MCF2L: variants seen among roughly 807,000 people sequenced by gnomAD.
The protein encoded by MCF2L is guanine nucleotide exchange factor DBS.
A neutral mutation model predicts 153.4 loss-of-function variants in MCF2L; 97 were observed. That is an observed-to-expected ratio of 0.63 (90% CI 0.54 to 0.75). The LOEUF (loss-of-function observed/expected upper bound fraction) is 0.75, where lower values mean the gene tolerates loss of function less well. Ranked by LOEUF, MCF2L falls within the 30% of genes least tolerant of loss-of-function variation. MCF2L has a pLI of 0.00. For synonymous variants in MCF2L, 659 were observed against 632.2 expected (o/e 1.04, Z -0.64); for missense variants, 1,347 against 1,495.2 (o/e 0.90, Z 1.64).
chr13:112,896,927 T>G (rs965330523), intron 1 of MCF2L, among the ~76,000 whole-genome samples: 2 of 152,192 alleles, frequency 1.3e-5, no homozygotes, highest in African/African-American at 2.4e-5. Context: ...ACTTGAGTCA[T>G]CAGTGGATTC....
In MCF2L at chr13:113,031,865, GCCACACAC is replaced by G. The variant is rs1404472566; in HGVS notation, c.278+7108_278+7115del. Reference sequence around the variant, plus strand: ...CACGCACCTACACAGGCTTGCACATGCCACACACACACACACACACACACAGATGCACG... The same window carrying G: ...CACGCACCTACACAGGCTTGCACATGACACACACACACACACAGATGCACG... On this transcript the variant is annotated intron_variant, in intron 3 of 29. Transcript: ENST00000535094. The surrounding 1 kb of genome is among the most constrained non-coding windows in gnomAD (Gnocchi z 5.5). 2.7e-5 allele frequency among the ~76,000 whole-genome samples: 2 copies of G among 75,416 alleles called. No homozygotes were observed. The highest frequency in any genetic ancestry group is 5.6e-5 in the Non-Finnish European group (2 of 35,800). The allele number at this position is 75,416 out of a possible 152,430, so 49.5% of individuals were successfully genotyped here.
chr13:113,025,111 T>C (rs1284153608), intron 3 of MCF2L, among the ~76,000 whole-genome samples: 2 of 72,514 alleles, frequency 2.8e-5, no homozygotes, highest in African/African-American at 1.1e-4. Flanking sequence ...TCCCTGCAAC[T>C]ATGGGATGAG....
intron 4 of MCF2L, 34 bp from the exon 5 acceptor site, chr13:113,060,559 G>A (rs907512686): frequency 6.2e-6 from 10 of 1,607,618 alleles, no homozygotes; most frequent in Middle Eastern, 1.7e-4. Flanking sequence ...TGCAGAGCAC[G>A]CTGCAGGCCC....
In MCF2L at chr13:113,045,175, G is replaced by C; in HGVS notation, c.279-96G>C. ...ATTGCAGAAATGGCATCATGAATAT[G>C]GGGGATCGCTCTCCCAAGAGGTTTT... On this transcript the variant is annotated intron_variant, in intron 3 of 29. Coordinates refer to ENST00000535094, the MANE Select transcript of MCF2L (RefSeq NM_001112732.3). This position sits in a 1 kb window ranked among gnomAD's most constrained non-coding sequence, Gnocchi z 4.2. 1.8e-6 allele frequency: 2 copies of C among 1,099,168 alleles called. No individual in the cohort carries two copies. The highest frequency in any genetic ancestry group is 1.2e-5 in the South Asian group (1 of 80,090). 68.1% of individuals were successfully genotyped at this position (1,099,168 alleles called of 1,614,324 possible). A position where few individuals can be genotyped will look rare whatever the true frequency, so the allele number is the denominator to read the frequency against.
At chr13:112,970,466 G>A (rs973962087) in intron 1 of MCF2L, among the ~76,000 whole-genome samples, 37 of 152,268 alleles carry the variant, frequency 2.4e-4, no homozygotes, top group African/African-American at 8.2e-4. Flanking sequence ...TATGTGGGTC[G>A]AAAGAAAACA....
intron 4 of MCF2L, among the ~76,000 whole-genome samples, chr13:113,058,107 GTGTT>G (rs1450159868): frequency 2.0e-5 from 3 of 150,926 alleles, no homozygotes; most frequent in Non-Finnish European, 3.0e-5. Context: ...TGGGCGCTGA[GTGTT>G]TGGGTGCTGA....
At chr13:113,065,153 C>A in intron 7 of MCF2L, 68 bp downstream of exon 7, 1 of 1,559,082 alleles carries the variant, frequency 6.4e-7, no homozygotes, top group Non-Finnish European at 8.7e-7. Flanking sequence ...CGCGGGGCTC[C>A]GGTCGGAAGC....
At chr13:113,004,583 G>T (rs1331249385) in intron 1 of MCF2L, among the ~76,000 whole-genome samples, 1 of 152,246 alleles carries the variant, frequency 6.6e-6, no homozygotes, top group Non-Finnish European at 1.5e-5. Context: ...ATCACCGGCT[G>T]AATTGCAGCC....
intron 9 of MCF2L, among the ~76,000 whole-genome samples, chr13:113,071,643 A>T (rs2032930288): frequency 6.6e-6 from 1 of 152,090 alleles, no homozygotes; most frequent in African/African-American, 2.4e-5. Flanking sequence ...CTTCCACTGG[A>T]TTTCTTCTCC....
intron 1 of MCF2L, among the ~76,000 whole-genome samples, chr13:112,899,817 C>T (rs953159284): frequency 4.6e-5 from 7 of 152,204 alleles, no homozygotes; most frequent in African/African-American, 1.4e-4. Flanking sequence ...ACGGGCCGCG[C>T]GTGCCATCTG....
At chr13:113,065,972 C>G (rs2032298109) in intron 7 of MCF2L, 74 bp from the exon 8 acceptor site, 1 of 1,501,830 alleles carries the variant, frequency 6.7e-7, no homozygotes, top group Non-Finnish European at 9.0e-7. Context: ...GAGCAAGGCC[C>G]CACGAGGCCT....
chr13:113,084,288 G>C (rs956112737), intron 18 of MCF2L, among the ~76,000 whole-genome samples: 4 of 82,300 alleles, frequency 4.9e-5, no homozygotes, highest in African/African-American at 1.6e-4. Context: ...AAAACGTCCT[G>C]AACCCCCAGA....
chr13:113,030,442 T>C (rs1372626237), intron 3 of MCF2L, among the ~76,000 whole-genome samples: 27 of 117,402 alleles, frequency 2.3e-4, no homozygotes, highest in East Asian at 1.4e-3. Flanking sequence ...CGGTGTGGAC[T>C]CTCAGGTGTC....
At chr13:113,065,953 C>A in intron 7 of MCF2L, 93 bp from the exon 8 acceptor site, 1 of 1,363,088 alleles carries the variant, frequency 7.3e-7, no homozygotes. Flanking sequence ...TCAGTCCCCG[C>A]CCCCTCAAGA....
rs548007305 is a variant in MCF2L at position 112,987,932 on chromosome 13, G to A, written c.79+18474G>A. Among the ~76,000 whole-genome samples, 10 of 152,382 alleles carry A rather than the reference G, an allele frequency of 6.6e-5. No homozygotes were observed. The South Asian group carries it at 1.4e-3, about 22-fold the overall frequency. On this transcript the variant is annotated intron_variant, in intron 1 of 29. Coordinates refer to ENST00000535094, the MANE Select transcript of MCF2L (RefSeq NM_001112732.3). ...CTCATCCAAGCAACACACACCCATT[G>A]TCACAGTTACTTGGAATCCTGCTCT...
intron 2 of MCF2L, among the ~76,000 whole-genome samples, chr13:112,926,492 G>A (rs912421980): frequency 4.6e-5 from 7 of 151,898 alleles, no homozygotes; most frequent in African/African-American, 1.5e-4. Context: ...AGTGCTGCAC[G>A]GCCTGGTCTA....
chr13:113,028,470 C>A lies in MCF2L; in HGVS notation c.278+3712C>A, dbSNP rs780692372. 3.0e-4 allele frequency among the ~76,000 whole-genome samples: 46 copies of A among 152,204 alleles called. No individual in the cohort carries two copies. The highest frequency in any genetic ancestry group is 5.9e-4 in the Non-Finnish European group (40 of 68,040). The stretch of plus-strand genomic sequence containing the variant: ...GGGTCCAGACTCCTGCAGGACAAGA[C>A]CCACTCAGCCACCTCTGTAGATTGC... On this transcript the variant is annotated intron_variant, in intron 3 of 29. Coordinates refer to ENST00000535094, the MANE Select transcript of MCF2L (RefSeq NM_001112732.3). The surrounding 1 kb of genome is among the most constrained non-coding windows in gnomAD (Gnocchi z 5.4).
intron 22 of MCF2L, 90 bp from the exon 23 acceptor site, chr13:113,087,617 C>A: frequency 1.6e-6 from 2 of 1,231,284 alleles, no homozygotes; most frequent in Non-Finnish European, 2.3e-6. Context: ...CAAAGTATTT[C>A]CATCATTTCG....
chr13:113,008,667 G>GGAC (rs1489046127), intron 1 of MCF2L: 1 of 152,192 alleles, frequency 6.6e-6, no homozygotes, highest in East Asian at 1.9e-4. Flanking sequence ...ACAAAAAGAG[G>GGAC]GACCTCCGTG....
Sources: gnomAD v4.1 joint callset for allele counts (sites outside exome capture counted in the v4.1 genomes callset) on GRCh38, gnomAD v4.1.1 for gene constraint, Gnocchi (gnomAD v3.1) non-coding constraint, MANE v1.5 for transcripts, NCBI Gene and HGNC (gene_info 2026-07-23, HGNC 2026-07-21) for gene names.